MYO16: variants seen among roughly 807,000 people sequenced by gnomAD.
MYO16 encodes myosin XVI.
In MYO16, 94 loss-of-function variants were observed where a neutral mutation model predicts 205.3. The observed-to-expected ratio is 0.46, with a 90% CI of 0.39 to 0.54. MYO16 has a LOEUF of 0.54. MYO16 is among the 20% of genes least tolerant of loss of function. The pLI is 0.00. For synonymous variants in MYO16, 988 were observed against 954.0 expected (o/e 1.04, Z -0.66); for missense variants, 2,315 against 2,387.5 (o/e 0.97, Z 0.63).
chr13:109,162,251 G>A lies in MYO16; in HGVS notation c.5165-2650G>A, dbSNP rs1878423333. The stretch of plus-strand genomic sequence containing the variant: ...CAGTTGTGAGGGAGGCCAGCCTGAA[G>A]TACTCAGACTGAGAGTCAGCAAGTG... On this transcript the variant is annotated intron_variant, in intron 32 of 34. Transcript: ENST00000457511. This position sits in a 1 kb window ranked among gnomAD's most constrained non-coding sequence, Gnocchi z 4.6. 6.6e-6 allele frequency among the ~76,000 whole-genome samples: 1 copy of A among 152,218 alleles called. No homozygotes were observed. The highest frequency in any genetic ancestry group is 2.4e-5 in the African/African-American group (1 of 41,450).
chr13:109,115,581 C>T (rs1021155470), intron 28 of MYO16, among the ~76,000 whole-genome samples: 4 of 152,172 alleles, frequency 2.6e-5, no homozygotes, highest in Middle Eastern at 3.4e-3. Flanking sequence ...AAATGAAAAA[C>T]GTAGGTGATC....
At chr13:108,853,529 G>T (rs143113363) in intron 10 of MYO16, among the ~76,000 whole-genome samples, 10 of 151,746 alleles carry the variant, frequency 6.6e-5, no homozygotes, top group Non-Finnish European at 1.2e-4. Context: ...ATGAACTCAG[G>T]GTGTTTGAGT....
intron 4 of MYO16, chr13:108,779,880 G>C (rs7318082): frequency 0.98 from 149,124 of 152,320 alleles, 73,058 homozygotes; most frequent in Middle Eastern, 1. Flanking sequence ...CCAGGATCAA[G>C]AAAACAGAGC....
intron 2 of MYO16, among the ~76,000 whole-genome samples, chr13:108,707,048 C>T (rs1462513889): frequency 6.6e-6 from 1 of 152,118 alleles, no homozygotes; most frequent in Admixed American, 6.5e-5. Context: ...CAGTCTTGAG[C>T]ATCCTGTGAG....
rs202021294 is a variant in MYO16, at chr13:109,055,136, G to A, written c.3129+10G>A. On this transcript the variant is annotated intron_variant, in intron 26 of 34. Coordinates refer to ENST00000457511, the MANE Select transcript of MYO16 (RefSeq NM_001198950.3). The surrounding 1 kb of genome is among the most constrained non-coding windows in gnomAD (Gnocchi z 5.0). The stretch of plus-strand genomic sequence containing the variant: ...AGCATCACAACTCAGGGTTAGTGAC[G>A]TTTTCAGATTTCAAAAACTTAATGT... 5.0e-5 allele frequency: 78 copies of A among 1,556,494 alleles called. No individual in the cohort carries two copies. The highest frequency in any genetic ancestry group is 6.3e-5 in the Non-Finnish European group (73 of 1,152,894).
intron 16 of MYO16, 66 bp from the exon 17 acceptor site, chr13:108,957,622 G>C: frequency 9.2e-7 from 1 of 1,089,018 alleles, no homozygotes; most frequent in South Asian, 1.3e-5. Flanking sequence ...CGGCAGAAGT[G>C]ACTTTTAACC....
intron 10 of MYO16, among the ~76,000 whole-genome samples, chr13:108,848,097 G>C (rs1462089518): frequency 6.6e-6 from 1 of 152,092 alleles, no homozygotes; most frequent in East Asian, 1.9e-4. Flanking sequence ...GTGCAAAATG[G>C]GTACATAGGA....
intron 23 of MYO16, among the ~76,000 whole-genome samples, chr13:109,022,843 ATTT>A (rs1376414645): frequency 7.3e-6 from 1 of 136,972 alleles, no homozygotes; most frequent in East Asian, 2.1e-4. Context: ...CATAGTATAT[ATTT>A]ATATATTATA....
chr13:109,085,730 G>A (rs1381597600), intron 27 of MYO16, among the ~76,000 whole-genome samples: 1 of 152,172 alleles, frequency 6.6e-6, no homozygotes, highest in East Asian at 1.9e-4. Flanking sequence ...GAGCACATAC[G>A]CTTAGTGGGA....
At chr13:108,528,428 G>C in the MYO16 span, among the ~76,000 whole-genome samples, 1 of 152,052 alleles carries the variant, frequency 6.6e-6, no homozygotes, top group Non-Finnish European at 1.5e-5. Flanking sequence ...GAGGAGACAT[G>C]GAGCTATCTG....
intron 3 of MYO16, among the ~76,000 whole-genome samples, chr13:108,715,984 C>T (rs1044967536): frequency 6.6e-6 from 1 of 151,334 alleles, no homozygotes; most frequent in Non-Finnish European, 1.5e-5. Flanking sequence ...GCAAGTGATG[C>T]ATAGTGAATA....
At chr13:108,536,876 A>G in the MYO16 span, among the ~76,000 whole-genome samples, 18 of 152,178 alleles carry the variant, frequency 1.2e-4, 1 homozygote, top group Non-Finnish European at 2.1e-4. Context: ...GGAACAGGAT[A>G]CCAAATAAAT....
chr13:108,753,640 T>G (rs2139642016), intron 4 of MYO16, among the ~76,000 whole-genome samples: 1 of 152,308 alleles, frequency 6.6e-6, no homozygotes, highest in African/African-American at 2.4e-5. Context: ...TTTTAAATTC[T>G]AAGAAAATAT....
At chr13:108,670,921 G>A (rs1329640266) in intron 2 of MYO16, among the ~76,000 whole-genome samples, 1 of 152,122 alleles carries the variant, frequency 6.6e-6, no homozygotes, top group African/African-American at 2.4e-5. Flanking sequence ...CGCCTGGCAA[G>A]GCTTTCTTAA....
the MYO16 span, among the ~76,000 whole-genome samples, chr13:108,570,211 GCTTTCCTT>G: frequency 2.3e-4 from 35 of 151,956 alleles, no homozygotes; most frequent in Admixed American, 1.4e-3. Flanking sequence ...CTTGGTTTTT[GCTTTCCTT>G]CTTTCCTTCT....
chr13:109,112,853 A>G (rs1452264493), intron 28 of MYO16, among the ~76,000 whole-genome samples: 1 of 152,242 alleles, frequency 6.6e-6, no homozygotes, highest in Non-Finnish European at 1.5e-5. Context: ...TCCATTGTAC[A>G]CATCCATTTA....
chr13:109,122,203 G>A (rs995419318), intron 29 of MYO16, among the ~76,000 whole-genome samples: 8 of 152,162 alleles, frequency 5.3e-5, no homozygotes, highest in Admixed American at 2.6e-4. Flanking sequence ...GCTAAAGACA[G>A]AACAGGGTAT....
chr13:109,055,638 C>A lies in MYO16; in HGVS notation c.3335+43C>A. 1 of 1,527,306 alleles carries A rather than the reference C, an allele frequency of 6.5e-7. No homozygotes were observed. Among genetic ancestry groups the A allele is most frequent in the South Asian group, 1.1e-5 (1 of 89,400 alleles). 94.6% of individuals were successfully genotyped at this position (1,527,306 alleles called of 1,614,324 possible). A position where few individuals can be genotyped will look rare whatever the true frequency, so the allele number is the denominator to read the frequency against. ...TAAAATCGTCGTTCTCGCTGCTGTTCAGTGCAGTGTACTGACACTGACACT... is the reference window on the plus strand; with the variant it reads ...TAAAATCGTCGTTCTCGCTGCTGTTAAGTGCAGTGTACTGACACTGACACT... On this transcript the variant is annotated intron_variant, in intron 27 of 34. Transcript: ENST00000457511. This position sits in a 1 kb window ranked among gnomAD's most constrained non-coding sequence, Gnocchi z 5.0.
intron 32 of MYO16, among the ~76,000 whole-genome samples, chr13:109,149,161 A>G (rs1202283776): frequency 6.6e-6 from 1 of 152,186 alleles, no homozygotes; most frequent in Non-Finnish European, 1.5e-5. Flanking sequence ...AAGTGCAAAG[A>G]GCCAGAGGAA....
Sources: gnomAD v4.1 joint callset for allele counts (sites outside exome capture counted in the v4.1 genomes callset) on GRCh38, gnomAD v4.1.1 for gene constraint, Gnocchi (gnomAD v3.1) non-coding constraint, MANE v1.5 for transcripts, NCBI Gene and HGNC (gene_info 2026-07-23, HGNC 2026-07-21) for gene names.